NDUFA12: variants seen among roughly 807,000 people sequenced by gnomAD.
NDUFA12 encodes NADH:ubiquinone oxidoreductase subunit A12.
A neutral mutation model predicts 20.3 loss-of-function variants in NDUFA12; 17 were observed. The observed-to-expected ratio is 0.84, with a 90% CI of 0.57 to 1.26. NDUFA12 has a LOEUF of 1.26. NDUFA12 is among the 50% of genes most tolerant of loss of function. The probability of loss-of-function intolerance (pLI) is 0.00; values close to 1 mark genes in which losing one functional copy is unlikely to be tolerated. For missense variants in NDUFA12, 191 were observed against 183.7 expected, an observed-to-expected ratio of 1.04 and a Z score of -0.23; for synonymous variants, 72 against 63.6, an observed-to-expected ratio of 1.13 and a Z score of -0.63.
In NDUFA12 at chr12:94,994,117, C is replaced by T. The variant is rs1037731630; in HGVS notation, c.257+53G>A. 13 of 1,511,382 alleles carry T rather than the reference C, an allele frequency of 8.6e-6. No homozygotes were observed. The Admixed American group carries it at 1.9e-4, about 22-fold the overall frequency. 93.6% of individuals were successfully genotyped at this position (1,511,382 alleles called of 1,614,324 possible). A position where few individuals can be genotyped will look rare whatever the true frequency, so the allele number is the denominator to read the frequency against. Reference sequence around the variant, plus strand: ...CCAGCCTGGGTGACAGAGTGAGACCCTGTCTCAAAAAAGAAAAAAAAGAAA... The same window carrying T: ...CCAGCCTGGGTGACAGAGTGAGACCTTGTCTCAAAAAAGAAAAAAAAGAAA... On this transcript the variant is annotated intron_variant, in intron 3 of 3. Coordinates refer to ENST00000327772, the MANE Select transcript of NDUFA12 (RefSeq NM_018838.5).
intron 3 of NDUFA12, 44 bp from the exon 4 acceptor site, chr12:94,971,664 C>G (rs1484652583): frequency 6.2e-7 from 1 of 1,605,484 alleles, no homozygotes; most frequent in Non-Finnish European, 8.5e-7. Flanking sequence ...AGAGGCAGTA[C>G]AGCATAGTGG....
intron 3 of NDUFA12, among the ~76,000 whole-genome samples, chr12:94,982,011 G>C (rs1226867032): frequency 1.3e-5 from 2 of 152,174 alleles, no homozygotes; most frequent in Non-Finnish European, 2.9e-5. Flanking sequence ...AACATTAAAT[G>C]AAACAGAGAA....
chr12:95,003,466 A>T, intron 1 of NDUFA12, 129 bp downstream of exon 1: 1 of 975,970 alleles, frequency 1.0e-6, no homozygotes, highest in Non-Finnish European at 1.6e-6. Flanking sequence ...GGCAAGGCAG[A>T]GATTGGGGCG....
At chr12:95,001,790 C>G (rs1034152406) in intron 2 of NDUFA12, among the ~76,000 whole-genome samples, 1 of 152,048 alleles carries the variant, frequency 6.6e-6, no homozygotes, top group Admixed American at 6.6e-5. Context: ...CTGCAACTTC[C>G]GACTCCCTGG....
intron 3 of NDUFA12, among the ~76,000 whole-genome samples, chr12:94,985,007 A>AATAAC (rs1555200545): frequency 2.9e-4 from 43 of 147,364 alleles, no homozygotes; most frequent in African/African-American, 9.0e-4. Flanking sequence ...CATAACATAA[A>AATAAC]ATAAGATAAA....
At chr12:94,988,927 T>C (rs1194063111) in intron 3 of NDUFA12, among the ~76,000 whole-genome samples, 1 of 152,150 alleles carries the variant, frequency 6.6e-6, no homozygotes, top group Non-Finnish European at 1.5e-5. Flanking sequence ...AACATCTACA[T>C]GATTTGGGCC....
intron 3 of NDUFA12, among the ~76,000 whole-genome samples, chr12:94,990,479 G>C (rs1031974686): frequency 4.6e-5 from 7 of 152,194 alleles, no homozygotes; most frequent in African/African-American, 1.7e-4. Context: ...CTGGAGTACA[G>C]TGGTGCAATC....
chr12:95,003,115 C>T (rs1476423053), intron 1 of NDUFA12, among the ~76,000 whole-genome samples: 2 of 152,196 alleles, frequency 1.3e-5, no homozygotes, highest in Admixed American at 6.5e-5. Flanking sequence ...AGTATTTCAT[C>T]TTCTTACAAT....
At chr12:94,974,812 G>A (rs1299409383) in intron 3 of NDUFA12, among the ~76,000 whole-genome samples, 1 of 152,028 alleles carries the variant, frequency 6.6e-6, no homozygotes, top group Non-Finnish European at 1.5e-5. Flanking sequence ...TGCACTCATG[G>A]AGATAGAGAG....
At chr12:94,994,408 C>A in intron 2 of NDUFA12, 151 bp from the exon 3 acceptor site, 1 of 622,256 alleles carries the variant, frequency 1.6e-6, no homozygotes, top group South Asian at 1.9e-5. Context: ...TGGGTGAATT[C>A]GTGAAGGTAA....
chr12:94,974,524 T>C (rs1026128030), intron 3 of NDUFA12, among the ~76,000 whole-genome samples: 2 of 152,190 alleles, frequency 1.3e-5, no homozygotes, highest in African/African-American at 4.8e-5. Flanking sequence ...AATCAGTATA[T>C]CGAAGAGACT....
At chr12:94,981,914 A>C (rs1433321) in intron 3 of NDUFA12, among the ~76,000 whole-genome samples, 132,290 of 152,146 alleles carry the variant, frequency 0.87, 57,609 homozygotes, top group Admixed American at 0.9. Flanking sequence ...TGGCTGGTAG[A>C]TTCAAAGAAG....
rs1233788279 is a variant in NDUFA12 at position 94,971,415 on chromosome 12, A to G, written c.*25T>C. On this transcript the variant is annotated 3_prime_UTR_variant, in exon 4 of 4. Transcript: ENST00000327772. ...TTACATGAAAAGCTCCATATTTTGC[A>G]TGTTTCAACTGTTCTTCATTGTCTT... 12 of 1,608,350 alleles carry G rather than the reference A, an allele frequency of 7.5e-6. No homozygotes were observed. The highest frequency in any genetic ancestry group is 1.7e-5 in the Admixed American group (1 of 60,008).
intron 3 of NDUFA12, among the ~76,000 whole-genome samples, chr12:94,992,579 A>C (rs1023051878): frequency 1.3e-5 from 2 of 152,212 alleles, no homozygotes; most frequent in African/African-American, 4.8e-5. Context: ...TAATTGCCTC[A>C]ATCAATGGAA....
chr12:94,994,106 A>AGAGT, intron 3 of NDUFA12, 64 bp downstream of exon 3: 3 of 1,422,776 alleles, frequency 2.1e-6, no homozygotes, highest in Non-Finnish European at 3.0e-6. Context: ...CCTGGGTGAC[A>AGAGT]GAGTGAGACC....
intron 2 of NDUFA12, among the ~76,000 whole-genome samples, chr12:94,996,196 A>C (rs1874824613): frequency 6.6e-6 from 1 of 152,000 alleles, no homozygotes. Flanking sequence ...CAACAGAGAG[A>C]CCCTGTCTCG....
At chr12:95,002,437 C>CAAAAAAAAA (rs71075895) in intron 2 of NDUFA12, among the ~76,000 whole-genome samples, 8 of 63,614 alleles carry the variant, frequency 1.3e-4, no homozygotes, top group East Asian at 4.4e-4. Context: ...GACTCCATCT[C>CAAAAAAAAA]AAAAAAAAAA....
intron 3 of NDUFA12, among the ~76,000 whole-genome samples, chr12:94,988,671 T>A (rs926693273): frequency 9.9e-5 from 15 of 152,130 alleles, no homozygotes; most frequent in Non-Finnish European, 1.6e-4. Context: ...GAAAGACACA[T>A]ACCCCCTTGA....
chr12:94,984,879 G>A (rs942067010), intron 3 of NDUFA12, among the ~76,000 whole-genome samples: 5 of 151,388 alleles, frequency 3.3e-5, no homozygotes, highest in African/African-American at 1.2e-4. Flanking sequence ...TCGGGCGGCT[G>A]AGGCAGGAGA....
Sources: allele counts gnomAD v4.1 joint callset (sites outside exome capture counted in the v4.1 genomes callset), GRCh38; gene constraint gnomAD v4.1.1; transcripts MANE v1.5; gene names NCBI Gene and HGNC (gene_info 2026-07-23, HGNC 2026-07-21).